The following DAB2IP variants were observed in gnomAD, a reference collection of about 807,000 sequenced individuals.
DAB2IP encodes the protein DAB2 interacting protein, also known as disabled homolog 2-interacting protein.
DAB2IP carries 28 observed loss-of-function variants against 107.2 expected under a neutral mutation model. The ratio of observed to expected loss-of-function variants is 0.26; its 90% CI spans 0.19 to 0.36. The LOEUF (loss-of-function observed/expected upper bound fraction) is 0.36. Ranked by LOEUF, DAB2IP falls within the 10% of genes least tolerant of loss-of-function variation. The pLI is 1.00. For missense variants in DAB2IP, 1,400 were observed against 1,644.7 expected, an observed-to-expected ratio of 0.85 and a Z score of 2.57; for synonymous variants, 755 against 706.4, an observed-to-expected ratio of 1.07 and a Z score of -1.09.
chr9:121,644,593 C>CA (rs566564685), intron 1 of DAB2IP, among the ~76,000 whole-genome samples: 211 of 140,182 alleles, frequency 1.5e-3, no homozygotes, highest in South Asian at 6.6e-3. Context: ...GACTCCATCT[C>CA]AAAAAAAAAT....
At chr9:121,678,830 C>T (rs1414208323) in intron 2 of DAB2IP, 49 bp downstream of exon 2, 2 of 1,496,032 alleles carry the variant, frequency 1.3e-6, no homozygotes, top group Non-Finnish European at 1.8e-6. Context: ...ACCATCACCA[C>T]CTCGCCCGGG....
chr9:121,775,134 C>A (rs1835107200), intron 13 of DAB2IP, among the ~76,000 whole-genome samples: 1 of 152,238 alleles, frequency 6.6e-6, no homozygotes, highest in Non-Finnish European at 1.5e-5. Flanking sequence ...TTGTCTCCTA[C>A]TGCCAGCTGC....
chr9:121,687,486 T>G (rs1047800432), intron 2 of DAB2IP, among the ~76,000 whole-genome samples: 8 of 152,188 alleles, frequency 5.3e-5, no homozygotes, highest in Non-Finnish European at 1.2e-4. Context: ...TATAGGCACC[T>G]GTTCCACCTA....
chr9:121,638,695 T>A (rs955071173), intron 1 of DAB2IP, among the ~76,000 whole-genome samples: 1 of 151,416 alleles, frequency 6.6e-6, no homozygotes, highest in African/African-American at 2.4e-5. Context: ...GGCTGTTTTA[T>A]GGAGAACCAC....
intron 2 of DAB2IP, among the ~76,000 whole-genome samples, chr9:121,691,163 G>A (rs113265549): frequency 0.025 from 3,824 of 152,284 alleles, 79 homozygotes; most frequent in Middle Eastern, 0.051. Context: ...GAAATATTGA[G>A]AGAATACCTG....
At chr9:121,655,729 C>T (rs535845564) in intron 1 of DAB2IP, among the ~76,000 whole-genome samples, 192 of 152,134 alleles carry the variant, frequency 1.3e-3, no homozygotes, top group Non-Finnish European at 1.7e-3. Flanking sequence ...TACCCATAGC[C>T]ATGAGGGGTT....
chr9:121,729,019 TAAC>T (rs984756719), intron 3 of DAB2IP, among the ~76,000 whole-genome samples: 2 of 152,214 alleles, frequency 1.3e-5, no homozygotes, highest in African/African-American at 2.4e-5. Context: ...TCACTAAAGA[TAAC>T]AACAACAATA....
At position 121,690,733 on chromosome 9, in the gene DAB2IP, C is replaced by T. The variant is rs74515467; in HGVS notation, c.229-8592C>T. The stretch of plus-strand genomic sequence containing the variant: ...TTTACCCTCTTCAAATCTGGGCTCC[C>T]CTCTTTTTCCTCCGTTAGACTCTCA... On this transcript the variant is annotated intron_variant, in intron 2 of 15. Transcript: ENST00000408936. Among the ~76,000 whole-genome samples, 294 of 152,270 alleles carry T rather than the reference C, an allele frequency of 1.9e-3. 1 individual carries two copies. Among genetic ancestry groups the T allele is most frequent in the African/African-American group, 6.9e-3 (288 of 41,542 alleles).
Position 121,639,035 on chromosome 9 carries a change from A to G in DAB2IP, c.41-39643A>G, listed in dbSNP as rs190235095. ...GGAAGATAGGAGTAGGGCTGGGGCC[A>G]TATCCACTGACCACTATCCTAGGCT... is the stretch of plus-strand genomic sequence containing the variant. On this transcript the variant is annotated intron_variant, in intron 1 of 16. Coordinates refer to the DAB2IP transcript ENST00000259371. Among the ~76,000 whole-genome samples, 4 of 152,312 alleles carry G rather than the reference A, an allele frequency of 2.6e-5. No homozygotes were observed. In the East Asian group the frequency reaches 7.7e-4, roughly 29 times the overall value.
chr9:121,671,012 A>G lies in DAB2IP; in HGVS notation c.125-7666A>G, dbSNP rs149091060. Reference sequence around the variant, plus strand: ...CTAAAAATACAAAAATTAGCTGAGCATGGTGGCACACACCTGTAGTCCCAG... The same window carrying G: ...CTAAAAATACAAAAATTAGCTGAGCGTGGTGGCACACACCTGTAGTCCCAG... On this transcript the variant is annotated intron_variant, in intron 1 of 15. Coordinates refer to ENST00000408936, the Ensembl canonical transcript of DAB2IP. 3.2e-3 allele frequency among the ~76,000 whole-genome samples: 492 copies of G among 152,266 alleles called. 16 individuals are homozygous for G. The East Asian group carries it at 0.089, about 28-fold the overall frequency.
At position 121,734,179 on chromosome 9, in the gene DAB2IP, C is replaced by G. The variant is rs1024862987; in HGVS notation, c.363-22834C>G. ...GATCACGAGGTCAGGAGATCGAGAC[C>G]ATCCTGGCTAACAAGGTGAAACCCC... On this transcript the variant is annotated intron_variant, in intron 3 of 15. Transcript: ENST00000408936. 7.1e-5 allele frequency among the ~76,000 whole-genome samples: 10 copies of G among 140,938 alleles called. 1 individual carries two copies. The East Asian group carries it at 1.8e-3, about 25-fold the overall frequency. 92.5% of individuals were successfully genotyped at this position (140,938 alleles called of 152,430 possible). A position where few individuals can be genotyped will look rare whatever the true frequency, so the allele number is the denominator to read the frequency against.
chr9:121,596,200 G>A (rs1209652688), intron 1 of DAB2IP, among the ~76,000 whole-genome samples: 1 of 152,088 alleles, frequency 6.6e-6, no homozygotes, highest in Non-Finnish European at 1.5e-5. Context: ...GCATGGTGGC[G>A]CATGCCTGTA....
At chr9:121,692,942 T>C (rs1022337092) in intron 2 of DAB2IP, among the ~76,000 whole-genome samples, 3 of 152,214 alleles carry the variant, frequency 2.0e-5, no homozygotes, top group Non-Finnish European at 4.4e-5. Context: ...CTGATGCCAT[T>C]AGTGCCTAGC....
chr9:121,658,103 A>C (rs192309731), intron 1 of DAB2IP, among the ~76,000 whole-genome samples: 35 of 152,178 alleles, frequency 2.3e-4, no homozygotes, highest in Non-Finnish European at 4.3e-4. Context: ...GCGGGGAGAG[A>C]ATGGCGATTC....
upstream of DAB2IP, among the ~76,000 whole-genome samples, chr9:121,648,253 A>G (rs1832608851): frequency 1.3e-5 from 2 of 152,194 alleles, no homozygotes; most frequent in African/African-American, 4.8e-5. Context: ...CCAAAAACCT[A>G]TGGAAATAAA....
chr9:121,612,332 A>G (rs1287247526), intron 1 of DAB2IP, among the ~76,000 whole-genome samples: 2 of 152,104 alleles, frequency 1.3e-5, no homozygotes, highest in Admixed American at 1.3e-4. Context: ...GCCTCAAAAA[A>G]AAATTATTAT....
At chr9:121,737,429 C>G (rs1832007209) in intron 3 of DAB2IP, 1 of 985,430 alleles carries the variant, frequency 1.0e-6, no homozygotes, top group Non-Finnish European at 1.2e-6. Flanking sequence ...CAGCACGTGC[C>G]TTTCGGGAAG....
At chr9:121,587,900 C>A (rs1830342045) in intron 1 of DAB2IP, among the ~76,000 whole-genome samples, 2 of 152,160 alleles carry the variant, frequency 1.3e-5, no homozygotes, top group Admixed American at 6.5e-5. Context: ...AAAAAAAATT[C>A]ATTGTTTATA....
At chr9:121,623,281 G>T (rs1831537358) in intron 1 of DAB2IP, among the ~76,000 whole-genome samples, 1 of 152,184 alleles carries the variant, frequency 6.6e-6, no homozygotes, top group Admixed American at 6.5e-5. Flanking sequence ...ACTTTACCTA[G>T]CTTGAGAGGC....
Sources: gnomAD v4.1 joint callset for allele counts (sites outside exome capture counted in the v4.1 genomes callset) on GRCh38, gnomAD v4.1.1 for gene constraint, MANE v1.5 for transcripts, NCBI Gene and HGNC (gene_info 2026-07-23, HGNC 2026-07-21) for gene names.